The following CNTNAP2 variants were observed in gnomAD, a reference collection of about 807,000 sequenced individuals.
The protein encoded by CNTNAP2 is contactin associated protein 2, also known as contactin-associated protein-like 2.
CNTNAP2 carries 98 observed loss-of-function variants against 155.2 expected under a neutral mutation model. That is an observed-to-expected ratio of 0.63 (90% CI 0.54 to 0.75). The LOEUF (loss-of-function observed/expected upper bound fraction) is 0.75. Among genes scored for constraint, CNTNAP2 ranks in the 30% least tolerant of loss-of-function variants. The pLI is 0.00. For synonymous variants in CNTNAP2, 651 were observed against 631.2 expected (o/e 1.03, Z -0.47); for missense variants, 1,727 against 1,688.1 (o/e 1.02, Z -0.40).
At chr7:146,418,881 C>A (rs1225246040) in intron 1 of CNTNAP2, among the ~76,000 whole-genome samples, 1 of 151,992 alleles carries the variant, frequency 6.6e-6, no homozygotes, top group Non-Finnish European at 1.5e-5. Context: ...ACAAGATGGC[C>A]ATCTACAAGC....
intron 9 of CNTNAP2, among the ~76,000 whole-genome samples, chr7:147,301,590 CTCTGTGTGTGTGTGTGTGTG>C (rs1444308137): frequency 7.3e-4 from 81 of 111,586 alleles, no homozygotes; most frequent in South Asian, 3.7e-4. Flanking sequence ...CTCTCTCTCT[CTCTGTGTGTGTGTGTGTGTG>C]TGTGTGTGTG....
intron 17 of CNTNAP2, among the ~76,000 whole-genome samples, chr7:148,161,435 C>A (rs1805537347): frequency 6.6e-6 from 1 of 152,124 alleles, no homozygotes; most frequent in South Asian, 2.1e-4. Flanking sequence ...GCATTGAGCT[C>A]CTCCTGGAAA....
At chr7:148,227,295 A>G (rs1310709097) in intron 19 of CNTNAP2, among the ~76,000 whole-genome samples, 3 of 152,314 alleles carry the variant, frequency 2.0e-5, no homozygotes, top group South Asian at 4.1e-4. Context: ...CAGGGAAGAC[A>G]GAAGTGAGAC....
At chr7:146,281,819 C>A (rs902748287) in intron 1 of CNTNAP2, among the ~76,000 whole-genome samples, 1 of 151,672 alleles carries the variant, frequency 6.6e-6, no homozygotes, top group South Asian at 2.1e-4. Context: ...TACTTAATTT[C>A]TTTAGGTTTC....
chr7:146,163,585 C>CTATCTATCTATATATA lies in CNTNAP2; in HGVS notation c.97+46615_97+46616insCTATCTATATATATAT, dbSNP rs1354076042. On this transcript the variant is annotated intron_variant, in intron 1 of 23. Transcript: ENST00000361727. Reference sequence around the variant, plus strand: ...TATCTATCTATATCTATCTATCTATCTATATATATATATATATCAGGGCGT... The same window carrying CTATCTATCTATATATA: ...TATCTATCTATATCTATCTATCTATCTATCTATCTATATATATATATATATATATATATCAGGGCGT... Among the ~76,000 whole-genome samples, 408 of 91,130 alleles carry CTATCTATCTATATATA rather than the reference C, an allele frequency of 4.5e-3. 3 individuals carry two copies. The highest frequency in any genetic ancestry group is 0.016 in the African/African-American group (395 of 24,882). 59.8% of individuals were successfully genotyped at this position (91,130 alleles called of 152,430 possible). A position where few individuals can be genotyped will look rare whatever the true frequency, so the allele number is the denominator to read the frequency against.
At chr7:146,999,856 C>CT (rs1409273863) in intron 3 of CNTNAP2, among the ~76,000 whole-genome samples, 1 of 151,928 alleles carries the variant, frequency 6.6e-6, no homozygotes, top group African/African-American at 2.4e-5. Flanking sequence ...TGAGGGTAAT[C>CT]TTTTTTAAAT....
At chr7:148,287,092 T>C (rs1329549870) in intron 21 of CNTNAP2, among the ~76,000 whole-genome samples, 2 of 152,198 alleles carry the variant, frequency 1.3e-5, no homozygotes, top group Non-Finnish European at 2.9e-5. Context: ...CCTCTGCTCC[T>C]TGCCCGGTCC....
At position 147,148,454 on chromosome 7, in the gene CNTNAP2, G is replaced by A. The variant is rs1233233657; in HGVS notation, c.1348+15945G>A. Among the ~76,000 whole-genome samples, 4 of 149,822 alleles carry A rather than the reference G, an allele frequency of 2.7e-5. No individual in the cohort carries two copies. In the East Asian group the frequency reaches 5.8e-4, roughly 22 times the overall value. ...ACTCAGACAGAAAAGATAAGAAAAA[G>A]TCACGCTTGGATAGGAAAAACCTAA... On this transcript the variant is annotated intron_variant, in intron 8 of 23. Coordinates refer to ENST00000361727, the MANE Select transcript of CNTNAP2 (RefSeq NM_014141.6).
At chr7:146,684,034 G>A (rs565843961) in intron 1 of CNTNAP2, among the ~76,000 whole-genome samples, 5 of 152,254 alleles carry the variant, frequency 3.3e-5, no homozygotes, top group Admixed American at 1.3e-4. Flanking sequence ...TGACAAGCCC[G>A]TCTCTTGGGT....
At chr7:148,017,827 A>G (rs767708643) in intron 15 of CNTNAP2, among the ~76,000 whole-genome samples, 14 of 152,252 alleles carry the variant, frequency 9.2e-5, no homozygotes, top group South Asian at 2.1e-4. Context: ...GCGAATATAC[A>G]TGGTATTTGA....
intron 1 of CNTNAP2, among the ~76,000 whole-genome samples, chr7:146,361,794 TG>T (rs34092833): frequency 0.24 from 36,146 of 152,116 alleles, 4,898 homozygotes; most frequent in Admixed American, 0.4. Flanking sequence ...ATGTCGGTTA[TG>T]GAAGCTCAAA....
intron 1 of CNTNAP2, among the ~76,000 whole-genome samples, chr7:146,467,552 T>C (rs1796733929): frequency 6.6e-6 from 1 of 152,186 alleles, no homozygotes. Flanking sequence ...GGAAATAATT[T>C]GGGTGATTTT....
At chr7:148,042,992 T>G (rs1802706936) in intron 15 of CNTNAP2, among the ~76,000 whole-genome samples, 1 of 152,218 alleles carries the variant, frequency 6.6e-6, no homozygotes, top group Non-Finnish European at 1.5e-5. Flanking sequence ...CCATTGAGAA[T>G]TATGTGCAAA....
intron 1 of CNTNAP2, among the ~76,000 whole-genome samples, chr7:146,137,169 A>G (rs1797809866): frequency 6.6e-6 from 1 of 152,162 alleles, no homozygotes; most frequent in Non-Finnish European, 1.5e-5. Context: ...CAGAACTAAT[A>G]TACTTCCACA....
At chr7:146,983,679 A>G (rs538259969) in intron 3 of CNTNAP2, among the ~76,000 whole-genome samples, 1 of 152,322 alleles carries the variant, frequency 6.6e-6, no homozygotes, top group South Asian at 2.1e-4. Context: ...GGCGAGTTGA[A>G]AAACAAGTGT....
intron 9 of CNTNAP2, among the ~76,000 whole-genome samples, chr7:147,393,817 A>G (rs1467013317): frequency 6.6e-6 from 1 of 151,968 alleles, no homozygotes; most frequent in African/African-American, 2.4e-5. Flanking sequence ...ATACAATCTT[A>G]TTTTTATACA....
At chr7:148,375,161 A>T (rs1413510276) in intron 21 of CNTNAP2, among the ~76,000 whole-genome samples, 1 of 151,850 alleles carries the variant, frequency 6.6e-6, no homozygotes, top group Non-Finnish European at 1.5e-5. Flanking sequence ...CATTTAAGGG[A>T]TCATAAATTC....
chr7:148,212,997 C>A lies in CNTNAP2; in HGVS notation c.3011-4291C>A, dbSNP rs75917613. ...TGAGGCATATTTTTGGATTGTTTAT[C>A]TGAAATCTCTAGATTGCTGAATCTC... is the stretch of plus-strand genomic sequence containing the variant. On this transcript the variant is annotated intron_variant, in intron 18 of 23. Coordinates refer to ENST00000361727, the MANE Select transcript of CNTNAP2 (RefSeq NM_014141.6). Among the ~76,000 whole-genome samples, 79 of 152,246 alleles carry A rather than the reference C, an allele frequency of 5.2e-4. 1 individual carries two copies. In the East Asian group the frequency reaches 0.014, roughly 26 times the overall value.
intron 1 of CNTNAP2, among the ~76,000 whole-genome samples, chr7:146,294,030 A>T: frequency 6.6e-6 from 1 of 152,294 alleles, no homozygotes; most frequent in South Asian, 2.1e-4. Flanking sequence ...CTTAGATAAG[A>T]GTGAAAAAAT....
Sources: gnomAD v4.1 joint callset for allele counts (sites outside exome capture counted in the v4.1 genomes callset) on GRCh38, gnomAD v4.1.1 for gene constraint, MANE v1.5 for transcripts, NCBI Gene and HGNC (gene_info 2026-07-23, HGNC 2026-07-21) for gene names.